CDKAL1: variants seen among roughly 807,000 people sequenced by gnomAD.
CDKAL1 encodes CDKAL1 threonylcarbamoyladenosine tRNA methylthiotransferase, also known as threonylcarbamoyladenosine tRNA methylthiotransferase.
In CDKAL1, 32 loss-of-function variants were observed where a neutral mutation model predicts 68.2. The observed-to-expected ratio is 0.47, with a 90% confidence interval of 0.35 to 0.63. The LOEUF (loss-of-function observed/expected upper bound fraction) is 0.63. Ranked by LOEUF, CDKAL1 falls within the 30% of genes least tolerant of loss-of-function variation. CDKAL1 has a pLI of 0.00. For synonymous variants in CDKAL1, 234 were observed against 244.3 expected (o/e 0.96, Z 0.39); for missense variants, 606 against 696.7 (o/e 0.87, Z 1.47).
At chr6:21,201,089 T>C in intron 14 of CDKAL1, 21 bp from the exon 15 acceptor site, 2 of 1,585,284 alleles carry the variant, frequency 1.3e-6, no homozygotes, top group Non-Finnish European at 1.7e-6. Context: ...AAATTAAGCC[T>C]CTGAAACAAA....
intron 5 of CDKAL1, among the ~76,000 whole-genome samples, chr6:20,701,346 A>C (rs887523828): frequency 6.7e-6 from 1 of 150,070 alleles, no homozygotes; most frequent in Non-Finnish European, 1.5e-5. Context: ...GCTTTCTTGG[A>C]AAAACCGATG....
intron 5 of CDKAL1, among the ~76,000 whole-genome samples, chr6:20,675,188 A>T (rs900783049): frequency 6.6e-6 from 1 of 152,036 alleles, no homozygotes; most frequent in African/African-American, 2.4e-5. Context: ...TACTTTGGGC[A>T]TCAGTGTTAT....
In CDKAL1 at chr6:21,171,698, C is replaced by A. The variant is rs114346594; in HGVS notation, c.1300-26323C>A. Reference sequence around the variant, plus strand: ...AGTATAAATTACTCCATAATAAATACCTCATACTATAGATGTATTCTTAGA... The same window carrying A: ...AGTATAAATTACTCCATAATAAATAACTCATACTATAGATGTATTCTTAGA... On this transcript the variant is annotated intron_variant, in intron 13 of 15. Coordinates refer to ENST00000274695, the MANE Select transcript of CDKAL1 (RefSeq NM_017774.3). 6.8e-3 allele frequency among the ~76,000 whole-genome samples: 1,035 copies of A among 152,144 alleles called. 7 individuals carry two copies. Among genetic ancestry groups the A allele is most frequent in the African/African-American group, 0.023 (939 of 41,472 alleles).
At chr6:20,775,892 A>G (rs1224613905) in intron 7 of CDKAL1, among the ~76,000 whole-genome samples, 3 of 152,222 alleles carry the variant, frequency 2.0e-5, no homozygotes, top group African/African-American at 7.2e-5. Flanking sequence ...TTTTTAAACA[A>G]ATAATTGTTT....
intron 9 of CDKAL1, among the ~76,000 whole-genome samples, chr6:20,922,453 G>A (rs921581981): frequency 6.6e-6 from 1 of 152,140 alleles, no homozygotes; most frequent in Non-Finnish European, 1.5e-5. Flanking sequence ...AGAGGGGACA[G>A]TATCTAAATT....
intron 5 of CDKAL1, among the ~76,000 whole-genome samples, chr6:20,700,258 G>A (rs1240523841): frequency 6.6e-6 from 1 of 151,866 alleles, no homozygotes; most frequent in African/African-American, 2.4e-5. Flanking sequence ...AGGAGGCTGA[G>A]GCAGGAGAAT....
Position 20,785,110 on chromosome 6 carries a change from G to A in CDKAL1, c.638+3845G>A, listed in dbSNP as rs116068505. On this transcript the variant is annotated intron_variant, in intron 8 of 15. Coordinates refer to ENST00000274695, the MANE Select transcript of CDKAL1 (RefSeq NM_017774.3). ...ACATTAGAGTAGAGTGTTGATCCTC[G>A]GTACATTAGCAAATAATGCTTTTGA... 2.8e-3 allele frequency among the ~76,000 whole-genome samples: 419 copies of A among 151,854 alleles called. 3 individuals carry two copies. The highest frequency in any genetic ancestry group is 9.1e-3 in the African/African-American group (375 of 41,410).
intron 6 of CDKAL1, among the ~76,000 whole-genome samples, chr6:20,750,755 G>A (rs1773881036): frequency 6.6e-6 from 1 of 151,978 alleles, no homozygotes; most frequent in African/African-American, 2.4e-5. Context: ...CTTGAGGTCA[G>A]GAGTTCGGGA....
At chr6:20,829,128 T>C (rs1008262018) in intron 8 of CDKAL1, among the ~76,000 whole-genome samples, 4 of 152,246 alleles carry the variant, frequency 2.6e-5, no homozygotes, top group Admixed American at 6.5e-5. Context: ...TTGAGAATAA[T>C]GTTTGCTGTG....
intron 10 of CDKAL1, among the ~76,000 whole-genome samples, chr6:20,955,934 A>C (rs1764754215): frequency 6.6e-6 from 1 of 152,156 alleles, no homozygotes; most frequent in South Asian, 2.1e-4. Context: ...GTGTTGCATT[A>C]ATTTCGCAAC....
intron 4 of CDKAL1, among the ~76,000 whole-genome samples, chr6:20,591,736 T>C (rs1358172443): frequency 2.6e-5 from 4 of 152,218 alleles, no homozygotes; most frequent in Non-Finnish European, 5.9e-5. Flanking sequence ...TCTATATATC[T>C]GTTTTGGTAC....
At chr6:20,706,782 A>G (rs1428845712) in intron 5 of CDKAL1, among the ~76,000 whole-genome samples, 1 of 152,192 alleles carries the variant, frequency 6.6e-6, no homozygotes, top group Non-Finnish European at 1.5e-5. Flanking sequence ...ACTTGTATAA[A>G]GTACTTGGAA....
chr6:20,539,164 C>T lies in CDKAL1; in HGVS notation c.-6+3770C>T, dbSNP rs1177826898. On this transcript the variant is annotated intron_variant, in intron 2 of 15. Coordinates refer to ENST00000274695, the MANE Select transcript of CDKAL1 (RefSeq NM_017774.3). The surrounding 1 kb of genome is among the most constrained non-coding windows in gnomAD (Gnocchi z 4.3). ...GAAGTGGGTGGGAAGACATACTTAT[C>T]TGGGGGCTGATATTCTGGCAGAGGA... 6.6e-6 allele frequency among the ~76,000 whole-genome samples: 1 copy of T among 152,122 alleles called. No individual in the cohort carries two copies. The highest frequency in any genetic ancestry group is 1.5e-5 in the Non-Finnish European group (1 of 68,008).
chr6:21,049,997 A>G (rs1770454428), intron 11 of CDKAL1, among the ~76,000 whole-genome samples: 1 of 152,148 alleles, frequency 6.6e-6, no homozygotes, highest in Admixed American at 6.5e-5. Flanking sequence ...TTATTCATAT[A>G]TTTCTTCCTT....
At chr6:20,776,288 C>T (rs1162829817) in intron 7 of CDKAL1, among the ~76,000 whole-genome samples, 1 of 152,212 alleles carries the variant, frequency 6.6e-6, no homozygotes, top group South Asian at 2.1e-4. Context: ...CAGTCTTGCT[C>T]ACCTCTTCAT....
At chr6:20,782,316 T>G (rs1222785164) in intron 8 of CDKAL1, among the ~76,000 whole-genome samples, 1 of 152,210 alleles carries the variant, frequency 6.6e-6, no homozygotes, top group Non-Finnish European at 1.5e-5. Context: ...CATCTGGCCT[T>G]CAGCGTTGAA....
At chr6:21,174,392 A>G (rs998152548) in intron 13 of CDKAL1, among the ~76,000 whole-genome samples, 3 of 152,218 alleles carry the variant, frequency 2.0e-5, no homozygotes, top group East Asian at 3.9e-4. Context: ...ACAAAGTAGT[A>G]AAAAACTTAC....
intron 8 of CDKAL1, among the ~76,000 whole-genome samples, chr6:20,839,170 G>A (rs981039526): frequency 3.3e-5 from 5 of 151,872 alleles, no homozygotes; most frequent in Non-Finnish European, 7.4e-5. Flanking sequence ...GGAAAACTTA[G>A]GAAGATGTTA....
At chr6:20,651,661 T>C (rs1029450931) in intron 5 of CDKAL1, among the ~76,000 whole-genome samples, 2 of 152,218 alleles carry the variant, frequency 1.3e-5, no homozygotes, top group Non-Finnish European at 2.9e-5. Context: ...TTCCAGCTTT[T>C]GCTCATTCAG....
Sources: allele counts gnomAD v4.1 joint callset (sites outside exome capture counted in the v4.1 genomes callset), GRCh38; gene constraint gnomAD v4.1.1; non-coding constraint Gnocchi (gnomAD v3.1); transcripts MANE v1.5; gene names NCBI Gene and HGNC (gene_info 2026-07-23, HGNC 2026-07-21).